DCAKD: variants seen among roughly 807,000 people sequenced by gnomAD.
DCAKD encodes the protein dephospho-CoA kinase domain containing.
Under a neutral mutation model 18.7 loss-of-function variants are expected in DCAKD, and 15 were observed. The observed-to-expected ratio is 0.80, with a 90% confidence interval of 0.54 to 1.24. DCAKD has a LOEUF of 1.24. DCAKD is among the 50% of genes most tolerant of loss of function. The pLI, the probability that DCAKD is intolerant of heterozygous loss-of-function variation, is 0.00. For missense variants in DCAKD, 301 were observed against 322.0 expected (o/e 0.93, Z 0.50); for synonymous variants, 130 against 133.0 (o/e 0.98, Z 0.16).
At chr17:45,059,982 T>C (rs1450203889) in intron 1 of DCAKD, among the ~76,000 whole-genome samples, 3 of 152,026 alleles carry the variant, frequency 2.0e-5, no homozygotes, top group African/African-American at 7.2e-5. Context: ...CGTGCGCCTT[T>C]AATCCCAGCT....
chr17:45,029,269 G>A (rs895519250), intron 4 of DCAKD, among the ~76,000 whole-genome samples: 2 of 152,228 alleles, frequency 1.3e-5, no homozygotes, highest in Non-Finnish European at 1.5e-5. Flanking sequence ...GGGGACCCAG[G>A]GGGAAAGGCA....
At chr17:45,059,321 G>C (rs956576932) in intron 1 of DCAKD, among the ~76,000 whole-genome samples, 4 of 152,116 alleles carry the variant, frequency 2.6e-5, no homozygotes, top group Non-Finnish European at 4.4e-5. Context: ...CCCTGAGTCA[G>C]ATGGGAACTG....
chr17:45,038,227 C>T (rs911135649), intron 1 of DCAKD, among the ~76,000 whole-genome samples: 2 of 152,068 alleles, frequency 1.3e-5, no homozygotes, highest in Admixed American at 6.5e-5. Flanking sequence ...CAGGTATGCA[C>T]CACCATGCCT....
At chr17:45,030,226 A>G in intron 3 of DCAKD, 47 bp from the exon 4 acceptor site, 1 of 1,545,724 alleles carries the variant, frequency 6.5e-7, no homozygotes, top group Non-Finnish European at 8.9e-7. Flanking sequence ...GCAAGCGCAC[A>G]CTGAGGACTG....
chr17:45,029,623 C>G (rs2053133982), intron 4 of DCAKD, among the ~76,000 whole-genome samples: 1 of 152,200 alleles, frequency 6.6e-6, no homozygotes, highest in Non-Finnish European at 1.5e-5. Context: ...TCCACGAAAC[C>G]TTCTGTTCGT....
intron 3 of DCAKD, chr17:45,032,181 T>TG (rs1298891858): frequency 1.0e-6 from 1 of 955,174 alleles, no homozygotes; most frequent in Non-Finnish European, 1.2e-6. Context: ...TCACTCTGGG[T>TG]GGGGGACGGG....
chr17:45,033,871 G>C, intron 3 of DCAKD: 1 of 1,291,266 alleles, frequency 7.7e-7, no homozygotes, highest in South Asian at 1.5e-5. Flanking sequence ...TTTGAACTCA[G>C]ATCTATGGCT....
intron 1 of DCAKD, among the ~76,000 whole-genome samples, chr17:45,046,789 C>T (rs987759297): frequency 2.0e-5 from 3 of 152,056 alleles, no homozygotes; most frequent in Non-Finnish European, 4.4e-5. Flanking sequence ...CTCTCCTACC[C>T]AGCTCCTCCT....
At chr17:45,058,821 A>G (rs1162992952) in intron 1 of DCAKD, among the ~76,000 whole-genome samples, 1 of 152,114 alleles carries the variant, frequency 6.6e-6, no homozygotes. Flanking sequence ...CGGAGAGTTG[A>G]GTGTGGTGAC....
At chr17:45,031,804 T>C in intron 3 of DCAKD, 1 of 985,442 alleles carries the variant, frequency 1.0e-6, no homozygotes, top group Non-Finnish European at 1.2e-6. Flanking sequence ...TATTAAGACA[T>C]CCGTCTGCCT....
At chr17:45,043,106 T>C (rs1363394527) in intron 1 of DCAKD, among the ~76,000 whole-genome samples, 5 of 152,178 alleles carry the variant, frequency 3.3e-5, no homozygotes, top group Non-Finnish European at 7.3e-5. Context: ...ACTAGCTGTA[T>C]GGCTGTAGGC....
At chr17:45,032,267 G>A (rs998921060) in intron 3 of DCAKD, 9 of 336,616 alleles carry the variant, frequency 2.7e-5, no homozygotes, top group Non-Finnish European at 3.4e-5. Context: ...GCAGGGAGGA[G>A]GCCTGCGGCA....
At position 45,023,737 on chromosome 17, in the gene DCAKD, G is replaced by A. The variant is rs1355028866; in HGVS notation, c.*696C>T. 2.0e-5 allele frequency: 3 copies of A among 152,452 alleles called. No individual in the cohort carries two copies. The highest frequency in any genetic ancestry group is 4.4e-5 in the Non-Finnish European group (3 of 68,200). 9.4% of individuals were successfully genotyped at this position (152,452 alleles called of 1,614,324 possible). On this transcript the variant is annotated 3_prime_UTR_variant, in exon 5 of 5. Coordinates refer to ENST00000651974, the MANE Select transcript of DCAKD (RefSeq NM_001288655.2). ...TGTACACGGAATACCAAGAGGTCCA[G>A]GCGAGAAGCAGGGGTGGCAGGCAAT... is the stretch of plus-strand genomic sequence containing the variant.
chr17:45,034,010 C>T lies in DCAKD; in HGVS notation c.316+177G>A, dbSNP rs201662361. 398 of 1,594,890 alleles carry T rather than the reference C, an allele frequency of 2.5e-4. 2 individuals are homozygous for T. The highest frequency in any genetic ancestry group is 5.7e-4 in the South Asian group (51 of 90,112). ...TCAGCCTCCTTAAGAGCTGAGGGAA[C>T]GTGCTTCTTTCCTCTGGGGCTGGTA... On this transcript the variant is annotated intron_variant, in intron 3 of 4. Transcript: ENST00000651974.
upstream of DCAKD, among the ~76,000 whole-genome samples, chr17:45,054,467 C>G (rs576272566): frequency 6.6e-6 from 1 of 152,030 alleles, no homozygotes; most frequent in Non-Finnish European, 1.5e-5. Context: ...ATGCTGGTCT[C>G]GAACTCCCAA....
chr17:45,027,653 T>C (rs1597939488), intron 4 of DCAKD, among the ~76,000 whole-genome samples: 1 of 152,028 alleles, frequency 6.6e-6, no homozygotes, highest in South Asian at 2.1e-4. Context: ...CCAAAACCCA[T>C]GGCCACCTCT....
intron 3 of DCAKD, among the ~76,000 whole-genome samples, chr17:45,032,698 C>T (rs1483099832): frequency 4.0e-5 from 6 of 151,652 alleles, no homozygotes; most frequent in Admixed American, 3.3e-4. Flanking sequence ...GCAGAAGAAT[C>T]GCTTGAACCC....
At chr17:45,059,340 C>T (rs988060399) in intron 1 of DCAKD, among the ~76,000 whole-genome samples, 13 of 152,096 alleles carry the variant, frequency 8.5e-5, no homozygotes, top group African/African-American at 2.9e-4. Context: ...TGTTTCTTCC[C>T]GCCCTGCCAT....
intron 1 of DCAKD, among the ~76,000 whole-genome samples, chr17:45,048,080 T>C (rs2053610963): frequency 6.6e-6 from 1 of 152,088 alleles, no homozygotes; most frequent in Non-Finnish European, 1.5e-5. Flanking sequence ...AACCAAAGGC[T>C]TTCAGGCATA....
Sources: allele counts gnomAD v4.1 joint callset (sites outside exome capture counted in the v4.1 genomes callset), GRCh38; gene constraint gnomAD v4.1.1; transcripts MANE v1.5; gene names NCBI Gene and HGNC (gene_info 2026-07-23, HGNC 2026-07-21).